Variants in NRXN1 observed in about 807,000 individuals in gnomAD.
NRXN1 encodes the protein neurexin-1.
Under a neutral mutation model 150.9 loss-of-function variants are expected in NRXN1, and 39 were observed. That is an observed-to-expected ratio of 0.26 (90% confidence interval 0.20 to 0.34). The LOEUF (loss-of-function observed/expected upper bound fraction) is 0.34. Ranked by LOEUF, NRXN1 falls within the 10% of genes least tolerant of loss-of-function variation. The pLI, the probability that NRXN1 is intolerant of heterozygous loss-of-function variation, is 1.00. For synonymous variants in NRXN1, 924 were observed against 757.0 expected (o/e 1.22, Z -3.62); for missense variants, 1,815 against 1,949.9 (o/e 0.93, Z 1.30).
At chr2:50,554,264 A>G (rs1455457875) in intron 8 of NRXN1, among the ~76,000 whole-genome samples, 1 of 152,190 alleles carries the variant, frequency 6.6e-6, no homozygotes, top group Non-Finnish European at 1.5e-5. Flanking sequence ...GACAGCCTGT[A>G]TCTGATTAGC....
intron 17 of NRXN1, among the ~76,000 whole-genome samples, chr2:50,264,927 C>G (rs1433978545): frequency 6.6e-6 from 1 of 152,012 alleles, no homozygotes; most frequent in Non-Finnish European, 1.5e-5. Flanking sequence ...GAAATTAAGT[C>G]AGGGGTCCTA....
chr2:50,067,053 T>G (rs1695472487), intron 19 of NRXN1, among the ~76,000 whole-genome samples: 2 of 152,328 alleles, frequency 1.3e-5, no homozygotes, highest in Admixed American at 6.5e-5. Context: ...TGTTCGTGAC[T>G]AATGCTTCAG....
chr2:50,522,223 G>T (rs192147575), intron 12 of NRXN1, among the ~76,000 whole-genome samples: 100 of 152,222 alleles, frequency 6.6e-4, no homozygotes, highest in African/African-American at 2.3e-3. Context: ...TTGTATAAAA[G>T]AAACTCCCTT....
At chr2:50,716,928 T>G (rs1294029687) in intron 5 of NRXN1, among the ~76,000 whole-genome samples, 1 of 152,210 alleles carries the variant, frequency 6.6e-6, no homozygotes, top group African/African-American at 2.4e-5. Flanking sequence ...CATTTGTTCA[T>G]TCATTTATTC....
chr2:50,291,522 G>A (rs2072924525), intron 17 of NRXN1, among the ~76,000 whole-genome samples: 1 of 152,090 alleles, frequency 6.6e-6, no homozygotes, highest in South Asian at 2.1e-4. Context: ...CTCTAGAGAA[G>A]CATTCATCCC....
chr2:50,481,760 CTTTTTTTTTTTTT>C (rs758265489), intron 15 of NRXN1, among the ~76,000 whole-genome samples: 1 of 82,958 alleles, frequency 1.2e-5, no homozygotes, highest in Non-Finnish European at 2.0e-5. Context: ...ACTTTTGTTT[CTTTTTTTTTTTTT>C]TTTTTTTTTT....
intron 5 of NRXN1, among the ~76,000 whole-genome samples, chr2:50,680,195 T>A (rs1034528612): frequency 2.0e-5 from 3 of 152,074 alleles, no homozygotes; most frequent in Non-Finnish European, 2.9e-5. Flanking sequence ...TTACTTTTTT[T>A]AAATATACAG....
chr2:50,420,077 G>A (rs558188955), intron 17 of NRXN1, among the ~76,000 whole-genome samples: 5 of 152,150 alleles, frequency 3.3e-5, no homozygotes, highest in African/African-American at 1.2e-4. Flanking sequence ...ATAGCACTGA[G>A]AATTCTCCTC....
At chr2:50,925,434 T>C (rs1213122003) in intron 3 of NRXN1, among the ~76,000 whole-genome samples, 1 of 151,900 alleles carries the variant, frequency 6.6e-6, no homozygotes, top group African/African-American at 2.4e-5. Flanking sequence ...AATGGCTTAT[T>C]TTTTAATCTA....
chr2:50,637,910 T>C (rs571615956), intron 5 of NRXN1, among the ~76,000 whole-genome samples: 2 of 152,284 alleles, frequency 1.3e-5, no homozygotes, highest in East Asian at 3.9e-4. Flanking sequence ...ATGAAATTAT[T>C]ACCATCTCTT....
At chr2:49,999,712 C>T (rs1180314891) in intron 21 of NRXN1, among the ~76,000 whole-genome samples, 1 of 152,084 alleles carries the variant, frequency 6.6e-6, no homozygotes, top group East Asian at 1.9e-4. Context: ...AATTTGCCTC[C>T]TCCCACCACA....
At chr2:50,577,801 T>G (rs183166033) in intron 8 of NRXN1, among the ~76,000 whole-genome samples, 181 of 151,382 alleles carry the variant, frequency 1.2e-3, no homozygotes, top group African/African-American at 3.7e-3. Context: ...TCCAGAATAG[T>G]GATATATGTG....
intron 17 of NRXN1, among the ~76,000 whole-genome samples, chr2:50,430,046 T>C (rs887202769): frequency 1.3e-5 from 2 of 152,182 alleles, no homozygotes; most frequent in African/African-American, 4.8e-5. Flanking sequence ...GACTCAGCCA[T>C]TAAACTAAAA....
intron 17 of NRXN1, among the ~76,000 whole-genome samples, chr2:50,354,586 T>TATATACAC (rs1273118975): frequency 8.0e-6 from 1 of 124,844 alleles, no homozygotes; most frequent in African/African-American, 2.9e-5. Context: ...TATATATATA[T>TATATACAC]ACACACACAC....
At chr2:50,650,784 T>A (rs530441192) in intron 5 of NRXN1, among the ~76,000 whole-genome samples, 7 of 152,186 alleles carry the variant, frequency 4.6e-5, no homozygotes, top group Admixed American at 4.6e-4. Flanking sequence ...CTCCCTGTGT[T>A]CTTAACTGTT....
intron 5 of NRXN1, among the ~76,000 whole-genome samples, chr2:50,909,131 T>G (rs530156352): frequency 6.6e-6 from 1 of 152,108 alleles, no homozygotes; most frequent in South Asian, 2.1e-4. Context: ...GCACAGCACA[T>G]CGGATAAATT....
chr2:50,067,830 A>G (rs1695588964), intron 19 of NRXN1, among the ~76,000 whole-genome samples: 1 of 152,246 alleles, frequency 6.6e-6, no homozygotes, highest in African/African-American at 2.4e-5. Context: ...ATGTCATAAC[A>G]TTTAAACCTA....
At chr2:50,013,913 G>A (rs996985017) in intron 21 of NRXN1, among the ~76,000 whole-genome samples, 2 of 152,044 alleles carry the variant, frequency 1.3e-5, no homozygotes, top group African/African-American at 4.8e-5. Flanking sequence ...TCGGAAGAGT[G>A]GTGTAATGAC....
chr2:50,049,447 A>AT (rs1018786030), intron 21 of NRXN1, among the ~76,000 whole-genome samples: 95 of 152,302 alleles, frequency 6.2e-4, no homozygotes, highest in African/African-American at 2.2e-3. Flanking sequence ...TCCAAGTCAC[A>AT]TGACGAGATA....
Sources: allele counts gnomAD v4.1 joint callset (sites outside exome capture counted in the v4.1 genomes callset), GRCh38; gene constraint gnomAD v4.1.1; transcripts MANE v1.5; gene names NCBI Gene and HGNC (gene_info 2026-07-23, HGNC 2026-07-21).